ZBTB16: variants seen among roughly 807,000 people sequenced by gnomAD.
ZBTB16 encodes zinc finger and BTB domain containing 16, also known as zinc finger and BTB domain-containing protein 16.
ZBTB16 carries 8 observed loss-of-function variants against 56.8 expected under a neutral mutation model. That is an observed-to-expected ratio of 0.14 (90% confidence interval 0.08 to 0.25). The LOEUF is 0.25. ZBTB16 is among the 10% of genes least tolerant of loss of function. The pLI, the probability that ZBTB16 is intolerant of heterozygous loss-of-function variation, is 1.00. For synonymous variants in ZBTB16, 363 were observed against 368.5 expected, an observed-to-expected ratio of 0.98 and a Z score of 0.17; for missense variants, 625 against 903.0, an observed-to-expected ratio of 0.69 and a Z score of 3.95.
At chr11:114,144,655 G>A (rs1463908768) in intron 2 of ZBTB16, among the ~76,000 whole-genome samples, 2 of 152,248 alleles carry the variant, frequency 1.3e-5, no homozygotes, top group Non-Finnish European at 2.9e-5. Context: ...CTTCTCAGCA[G>A]GTTCCAGCAC....
intron 2 of ZBTB16, among the ~76,000 whole-genome samples, chr11:114,075,503 C>T (rs1027724097): frequency 2.6e-5 from 4 of 151,578 alleles, no homozygotes; most frequent in Admixed American, 6.6e-5. Context: ...GTTGCCCAGG[C>T]TTGAGTGCAG....
intron 3 of ZBTB16, among the ~76,000 whole-genome samples, chr11:114,178,093 C>T (rs542699705): frequency 6.6e-6 from 1 of 152,134 alleles, no homozygotes; most frequent in Non-Finnish European, 1.5e-5. Context: ...TCCTTGATCT[C>T]CTCCTGGGGA....
At chr11:114,166,942 A>G (rs987766777) in intron 3 of ZBTB16, among the ~76,000 whole-genome samples, 2 of 152,190 alleles carry the variant, frequency 1.3e-5, no homozygotes, top group African/African-American at 4.8e-5. Context: ...TGAGTTTCAT[A>G]TGAATGATTC....
intron 2 of ZBTB16, among the ~76,000 whole-genome samples, chr11:114,070,299 G>A (rs887478326): frequency 4.6e-5 from 7 of 150,832 alleles, no homozygotes; most frequent in African/African-American, 7.3e-5. Context: ...TAGTAGAGAC[G>A]GGGTTTCACC....
chr11:114,094,937 C>A (rs554854064), intron 2 of ZBTB16, among the ~76,000 whole-genome samples: 34 of 152,350 alleles, frequency 2.2e-4, no homozygotes, highest in African/African-American at 7.7e-4. Flanking sequence ...AGCCCAGATA[C>A]CCCTCCAGAG....
intron 2 of ZBTB16, among the ~76,000 whole-genome samples, chr11:114,069,199 C>T (rs978615574): frequency 3.3e-5 from 5 of 152,224 alleles, no homozygotes; most frequent in African/African-American, 9.6e-5. Flanking sequence ...TATTCTCCTG[C>T]CTCAGCCTCC....
intron 3 of ZBTB16, among the ~76,000 whole-genome samples, chr11:114,157,555 G>T (rs1365356195): frequency 6.6e-6 from 1 of 152,078 alleles, no homozygotes; most frequent in Non-Finnish European, 1.5e-5. Context: ...GTCCCCATCC[G>T]CTCGTTCCCT....
intron 2 of ZBTB16, among the ~76,000 whole-genome samples, chr11:114,131,733 A>G (rs1941665528): frequency 6.6e-6 from 1 of 152,160 alleles, no homozygotes; most frequent in Non-Finnish European, 1.5e-5. Context: ...CTTTCTAATG[A>G]TGCAGGGTTT....
At chr11:114,211,363 G>T (rs182792743) in intron 4 of ZBTB16, among the ~76,000 whole-genome samples, 5 of 152,226 alleles carry the variant, frequency 3.3e-5, no homozygotes, top group Admixed American at 2.6e-4. Context: ...TGTCACTGTG[G>T]CCTTGGACAA....
intron 2 of ZBTB16, among the ~76,000 whole-genome samples, chr11:114,068,246 G>A (rs535236046): frequency 6.6e-6 from 1 of 152,122 alleles, no homozygotes; most frequent in Non-Finnish European, 1.5e-5. Flanking sequence ...CTTGGGGTGG[G>A]GGGGCAGAAG....
chr11:114,080,894 C>A (rs1257301032), intron 2 of ZBTB16, among the ~76,000 whole-genome samples: 1 of 152,184 alleles, frequency 6.6e-6, no homozygotes, highest in Non-Finnish European at 1.5e-5. Context: ...TTGAGGAAGG[C>A]ACTCTCCACC....
intron 2 of ZBTB16, among the ~76,000 whole-genome samples, chr11:114,150,303 T>C (rs1048416479): frequency 3.3e-5 from 5 of 152,136 alleles, no homozygotes; most frequent in Non-Finnish European, 7.3e-5. Flanking sequence ...AGGCTCTGTT[T>C]AGAGTATTCC....
intron 4 of ZBTB16, among the ~76,000 whole-genome samples, chr11:114,199,633 A>C (rs535220480): frequency 1.3e-5 from 2 of 152,332 alleles, no homozygotes; most frequent in South Asian, 2.1e-4. Context: ...ATATGGGACA[A>C]ATGGCTTCGT....
Position 114,064,670 on chromosome 11 carries a change from C to A in ZBTB16, c.1268+102C>A. 6.9e-7 allele frequency: 1 copy of A among 1,453,304 alleles called. No individual in the cohort carries two copies. The highest frequency in any genetic ancestry group is 9.4e-7 in the Non-Finnish European group (1 of 1,066,392). The allele number at this position is 1,453,304 out of a possible 1,614,324, so 90.0% of individuals were successfully genotyped here. Reference sequence around the variant, plus strand: ...CAAGTTAGGGGCCTGGCTCCCCTGTCTTGGCAATTTGTGAAAAAACCAGAA... The same window carrying A: ...CAAGTTAGGGGCCTGGCTCCCCTGTATTGGCAATTTGTGAAAAAACCAGAA... On this transcript the variant is annotated intron_variant, in intron 2 of 6. Transcript: ENST00000335953. This position sits in a 1 kb window ranked among gnomAD's most constrained non-coding sequence, Gnocchi z 4.2.
chr11:114,063,978 G>A lies in ZBTB16; in HGVS notation c.678G>A (p.Glu226=), dbSNP rs1353688652. Residue 226 remains glutamate (E), a synonymous_variant, in exon 2 of 7, where the codon GAG becomes GAA. Coordinates refer to ENST00000335953, the MANE Select transcript of ZBTB16 (RefSeq NM_006006.6). This position sits in a 1 kb window ranked among gnomAD's most constrained non-coding sequence, Gnocchi z 6.5. ...GTLQPPAGPE[E]PTLAGGGRHP... ...TTCAGCCACCTGCAGGGCCCGAGGA[G>A]CCAACTCTGGCTGGGGGTGGGCGGC... 2.5e-6 allele frequency: 4 copies of A among 1,613,588 alleles called. No individual in the cohort carries two copies. The highest frequency in any genetic ancestry group is 3.4e-6 in the Non-Finnish European group (4 of 1,179,818).
intron 4 of ZBTB16, among the ~76,000 whole-genome samples, chr11:114,230,234 ACACACACATG>A (rs1270414421): frequency 6.6e-6 from 1 of 152,142 alleles, no homozygotes; most frequent in Non-Finnish European, 1.5e-5. Flanking sequence ...TGCATGTGCA[ACACACACATG>A]CACACACATG....
At chr11:114,082,141 G>T (rs937381229) in intron 2 of ZBTB16, among the ~76,000 whole-genome samples, 3 of 144,208 alleles carry the variant, frequency 2.1e-5, no homozygotes, top group African/African-American at 7.8e-5. Context: ...AATTAAAAAT[G>T]CAGCTGTGCA....
At chr11:114,068,020 A>C (rs573154303) in intron 2 of ZBTB16, among the ~76,000 whole-genome samples, 14 of 149,802 alleles carry the variant, frequency 9.3e-5, no homozygotes, top group South Asian at 4.3e-4. Context: ...GGAAAAAAAA[A>C]AACAACAGCC....
intron 2 of ZBTB16, among the ~76,000 whole-genome samples, chr11:114,066,286 T>C (rs1029871675): frequency 3.9e-5 from 6 of 152,146 alleles, no homozygotes; most frequent in Admixed American, 2.6e-4. Context: ...TTGTGGAAAG[T>C]GTGGCAGAGC....
Sources: allele counts gnomAD v4.1 joint callset (sites outside exome capture counted in the v4.1 genomes callset), GRCh38; gene constraint gnomAD v4.1.1; non-coding constraint Gnocchi (gnomAD v3.1); transcripts MANE v1.5; gene names NCBI Gene and HGNC (gene_info 2026-07-23, HGNC 2026-07-21).